Variants in ZNF875 observed in about 807,000 individuals in gnomAD.
ZNF875 encodes zinc finger protein 875.
A neutral mutation model predicts 11.2 loss-of-function variants in ZNF875; 14 were observed. The ratio of observed to expected loss-of-function variants is 1.26; its 90% CI spans 0.83 to 1.96. The LOEUF (loss-of-function observed/expected upper bound fraction) is 1.96, where lower values mean the gene tolerates loss of function less well. ZNF875 is among the 30% of genes most tolerant of loss of function. ZNF875 has a pLI of 0.00. For synonymous variants in ZNF875, 301 were observed against 281.1 expected (o/e 1.07, Z -0.71); for missense variants, 752 against 760.4 (o/e 0.99, Z 0.13).
chr19:37,331,198 A>AAT (rs1193493586), upstream of ZNF875, among the ~76,000 whole-genome samples: 1 of 150,068 alleles, frequency 6.7e-6, no homozygotes, highest in East Asian at 2.0e-4. Context: ...AAAAAAAAAA[A>AAT]AAAAAAAAGT....
chr19:37,334,632 G>T (rs1353186910), upstream of ZNF875: 4 of 455,292 alleles, frequency 8.8e-6, no homozygotes, highest in Non-Finnish European at 1.8e-5. Context: ...TCAGTGTGTA[G>T]CGTTGACGTC....
At chr19:37,319,874 CAG>C (rs2031023537) in intron 1 of ZNF875, among the ~76,000 whole-genome samples, 1 of 152,130 alleles carries the variant, frequency 6.6e-6, no homozygotes, top group South Asian at 2.1e-4. Flanking sequence ...CCCTCTAACT[CAG>C]AGTTTATTTT....
intron 3 of ZNF875, 193 bp downstream of exon 3, chr19:37,347,509 A>G: frequency 1.6e-6 from 1 of 625,844 alleles, no homozygotes; most frequent in Non-Finnish European, 2.8e-6. Context: ...TATGGATGAC[A>G]CTACATTTCC....
Position 37,347,176 on chromosome 19 carries a change from G to T in ZNF875, c.34-14G>T, listed in dbSNP as rs1461536186. The T allele has an allele frequency of 2.5e-6, 4 of 1,613,852 alleles. No homozygotes were observed. The highest frequency in any genetic ancestry group is 3.4e-6 in the Non-Finnish European group (4 of 1,179,830). On this transcript the variant is annotated splice_polypyrimidine_tract_variant and intron_variant, in intron 2 of 4. Transcript: ENST00000392153. ...CAGGCTCCTGGGTGAGCAGAGGTGT[G>T]TTTTGTGTTAAAGGCGTTCGTGGCA... is the stretch of plus-strand genomic sequence containing the variant.
intron 4 of ZNF875, among the ~76,000 whole-genome samples, chr19:37,326,882 G>C (rs1003860565): frequency 6.6e-6 from 1 of 151,658 alleles, no homozygotes; most frequent in Non-Finnish European, 1.5e-5. Context: ...TGGCTAGCCT[G>C]GTCTTGAACT....
At chr19:37,324,142 G>A (rs1448106226) in intron 3 of ZNF875, 1 of 152,166 alleles carries the variant, frequency 6.6e-6, no homozygotes, top group Non-Finnish European at 1.5e-5. Flanking sequence ...TGCGGAGAAC[G>A]TTTACTAACT....
upstream of ZNF875, among the ~76,000 whole-genome samples, chr19:37,333,008 G>T (rs1429096630): frequency 6.6e-6 from 1 of 152,196 alleles, no homozygotes; most frequent in Admixed American, 6.5e-5. Flanking sequence ...TGCTTTCCTA[G>T]ATGTCTTGTT....
At chr19:37,343,331 A>G (rs1418522863) in intron 2 of ZNF875, among the ~76,000 whole-genome samples, 1 of 151,418 alleles carries the variant, frequency 6.6e-6, no homozygotes, top group Non-Finnish European at 1.5e-5. Flanking sequence ...TGTCAGAGTG[A>G]GACTATCTCC....
chr19:37,358,133 C>CTTGTTT (rs2039240055), intron 4 of ZNF875: 3 of 85,028 alleles, frequency 3.5e-5, no homozygotes, highest in Non-Finnish European at 4.1e-5. Context: ...TTAAGATGAT[C>CTTGTTT]TTTTTTTTTT....
upstream of ZNF875, among the ~76,000 whole-genome samples, chr19:37,334,399 C>T (rs1311603645): frequency 1.3e-5 from 2 of 152,370 alleles, no homozygotes; most frequent in East Asian, 3.9e-4. Flanking sequence ...AATCCTTCGG[C>T]AGTCCCGCGA....
upstream of ZNF875, chr19:37,334,644 G>C (rs1250309192): frequency 2.2e-6 from 1 of 455,826 alleles, no homozygotes; most frequent in Non-Finnish European, 4.4e-6. Flanking sequence ...GTTGACGTCA[G>C]AAACACTTCC....
At chr19:37,340,994 G>GA (rs2035607954) in intron 2 of ZNF875, among the ~76,000 whole-genome samples, 1 of 152,052 alleles carries the variant, frequency 6.6e-6, no homozygotes, top group Admixed American at 6.5e-5. Flanking sequence ...CCACTCAGCT[G>GA]AAAAAAGAGG....
intron 4 of ZNF875, among the ~76,000 whole-genome samples, chr19:37,355,261 C>T (rs947084398): frequency 6.6e-6 from 1 of 152,218 alleles, no homozygotes; most frequent in Non-Finnish European, 1.5e-5. Flanking sequence ...ACGATCTCGG[C>T]TCACTGCAAC....
intron 4 of ZNF875, among the ~76,000 whole-genome samples, chr19:37,349,964 CTTTTTTT>C (rs34941573): frequency 2.6e-5 from 2 of 77,562 alleles, no homozygotes; most frequent in African/African-American, 1.2e-4. Context: ...CCCCACTGGC[CTTTTTTT>C]TTTTTTTTTT....
intron 1 of ZNF875, 21 bp from the exon 2 acceptor site, chr19:37,335,148 T>G (rs2034079797): frequency 1.4e-6 from 1 of 697,220 alleles, no homozygotes; most frequent in Non-Finnish European, 2.6e-6. Context: ...AGGCCACTCT[T>G]ATTTCTCTTC....
At chr19:37,347,044 C>T (rs375311925) in intron 2 of ZNF875, 146 bp from the exon 3 acceptor site, 38 of 907,912 alleles carry the variant, frequency 4.2e-5, no homozygotes, top group African/African-American at 1.8e-4. Flanking sequence ...CTCAAACTCT[C>T]GACCTCAGGT....
upstream of ZNF875, chr19:37,316,886 C>G (rs1238192678): frequency 2.0e-5 from 3 of 149,208 alleles, no homozygotes; most frequent in African/African-American, 7.4e-5. Flanking sequence ...GGACTGGTCT[C>G]GAACTCCTGA....
rs373644320 is a variant in ZNF875, at chr19:37,362,112, C to T, written c.260C>T (p.Ser87Leu). The change falls in exon 5 of 5, where the codon TCG becomes TTG. Residue 87 changes from serine to leucine, a missense_variant. Coordinates refer to ENST00000392153, the MANE Select transcript of ZNF875 (RefSeq NM_001353803.2). ...RKCPLDLCPE[S>L]KPEIQLSPSC... ...GAAAATGTTCTTTCTTCAGCAGAAT[C>T]GAAGCCAGAAATTCAACTTAGTCCC... is the stretch of plus-strand genomic sequence containing the variant. 2.8e-5 allele frequency: 45 copies of T among 1,608,382 alleles called. No individual in the cohort carries two copies. The highest frequency in any genetic ancestry group is 3.7e-5 in the Non-Finnish European group (43 of 1,176,850).
intron 4 of ZNF875, chr19:37,357,849 A>T (rs1384706108): frequency 2.0e-5 from 8 of 396,770 alleles, no homozygotes. Context: ...CTCTTTTCCT[A>T]TTTGGATGCC....
Sources: allele counts gnomAD v4.1 joint callset (sites outside exome capture counted in the v4.1 genomes callset), GRCh38; gene constraint gnomAD v4.1.1; transcripts MANE v1.5; gene names NCBI Gene and HGNC (gene_info 2026-07-23, HGNC 2026-07-21).